Variants in NMT2 observed in about 807,000 individuals in gnomAD.
NMT2 encodes N-myristoyltransferase 2.
Under a neutral mutation model 65.4 loss-of-function variants are expected in NMT2, and 35 were observed. That is an observed-to-expected ratio of 0.54 (90% confidence interval 0.41 to 0.71). NMT2 has a LOEUF of 0.71. Ranked by LOEUF, NMT2 falls within the 30% of genes least tolerant of loss-of-function variation. NMT2 has a pLI of 0.00. For missense variants in NMT2, 489 were observed against 611.3 expected (o/e 0.80, Z 2.11); for synonymous variants, 226 against 231.8 (o/e 0.98, Z 0.23).
chr10:15,113,575 T>C (rs570881915), intron 9 of NMT2, among the ~76,000 whole-genome samples: 1 of 150,190 alleles, frequency 6.7e-6, no homozygotes, highest in East Asian at 2.0e-4. Context: ...AAGGGAACAG[T>C]GATAAAAGCA....
At chr10:15,155,451 C>G (rs1228309413) in intron 1 of NMT2, 2 of 488,194 alleles carry the variant, frequency 4.1e-6, no homozygotes, top group Non-Finnish European at 7.4e-6. Context: ...TCACTGCAGC[C>G]TTGAACTTCC....
At position 15,108,290 on chromosome 10, in the gene NMT2, G is replaced by A. The variant is rs978635096; in HGVS notation, c.*905C>T. The A allele has an allele frequency of 7.3e-6, 5 of 683,848 alleles. No homozygotes were observed. The highest frequency in any genetic ancestry group is 6.6e-5 in the South Asian group (1 of 15,232). 42.4% of individuals were successfully genotyped at this position (683,848 alleles called of 1,614,324 possible). ...GCAACCTCACCTCTCAGGTTCAAGCGATTCTCCTGCCTCAGCCTCCCAAGC... is the reference window on the plus strand; with the variant it reads ...GCAACCTCACCTCTCAGGTTCAAGCAATTCTCCTGCCTCAGCCTCCCAAGC... On this transcript the variant is annotated 3_prime_UTR_variant, in exon 12 of 12. Transcript: ENST00000378165.
chr10:15,144,502 C>T (rs562458303), intron 1 of NMT2, among the ~76,000 whole-genome samples: 1 of 152,258 alleles, frequency 6.6e-6, no homozygotes, highest in East Asian at 1.9e-4. Context: ...GAGGCTGAGG[C>T]GGGTAGATCA....
In NMT2 at chr10:15,130,273, A is replaced by C; in HGVS notation, c.759T>G (p.His253Gln). Residue 253 changes from histidine (H) to glutamine (Q), a missense_variant, in exon 7 of 12, where the codon CAT becomes CAG. Transcript: ENST00000378165. ...CTACCCGTTTCGATCTCAACTTCTTATGAACACAAAGAAAGTTGATTTCTA... is the reference window on the plus strand; with the variant it reads ...CTACCCGTTTCGATCTCAACTTCTTCTGAACACAAAGAAAGTTGATTTCTA... Reference protein sequence around the residue: ...KMVEINFLCVHKKLRSKRVAP... With the variant: ...KMVEINFLCVQKKLRSKRVAP... 6.2e-7 allele frequency: 1 copy of C among 1,602,088 alleles called. No homozygotes were observed.
In NMT2 at chr10:15,135,350, C is replaced by A. The variant is rs772575443; in HGVS notation, c.315G>T (p.Gln105His). The part of the protein sequence containing the change: ...QRAMELLSAC[Q>H]GPARNIDEAA... ...CCTCATCAATGTTCCTGGCTGGGCC[C>A]TGGCATGCGGATAGCAGCTCCATTG... The change falls in exon 3 of 12, where the codon CAG (glutamine) becomes CAT (histidine). Residue 105 changes from glutamine (Q) to histidine (H), a missense_variant. Transcript: ENST00000378165. The A allele has an allele frequency of 6.2e-7, 1 of 1,614,172 alleles. No individual in the cohort carries two copies.
rs762991434 is a variant in NMT2, at chr10:15,128,448, G to A, written c.901C>T (p.Arg301Ter). The change falls in exon 8 of 12, where the codon CGA becomes TGA. Residue 301 changes from arginine (R) to a stop codon, truncating the protein, a stop_gained. Transcript: ENST00000378165. LOFTEE classifies it high-confidence loss of function. ...ACCAATTTTCTGGGGTTTAGTGATC[G>A]ATGCCAGTATCTGGAATACAATAAA... is the stretch of plus-strand genomic sequence containing the variant. ...KPIATCRYWH[R>*]SLNPRKLVEV... The A allele has an allele frequency of 6.3e-7, 1 of 1,587,238 alleles. No individual in the cohort carries two copies. The highest frequency in any genetic ancestry group is 1.7e-5 in the Admixed American group (1 of 59,704).
chr10:15,108,778 G>A lies in NMT2; in HGVS notation c.*417C>T. 9.8e-7 allele frequency: 1 copy of A among 1,025,384 alleles called. No individual in the cohort carries two copies. The highest frequency in any genetic ancestry group is 1.2e-6 in the Non-Finnish European group (1 of 856,946). 63.5% of individuals were successfully genotyped at this position (1,025,384 alleles called of 1,614,324 possible). On this transcript the variant is annotated 3_prime_UTR_variant, in exon 12 of 12. Transcript: ENST00000378165. The stretch of plus-strand genomic sequence containing the variant: ...AAATGGATCTTTTGTTCTGTTACAT[G>A]GACAAATGTACCATCACTTAAGAAA...
chr10:15,151,754 G>A (rs1832809358), intron 1 of NMT2, among the ~76,000 whole-genome samples: 1 of 152,212 alleles, frequency 6.6e-6, no homozygotes, highest in Non-Finnish European at 1.5e-5. Context: ...GCTGGGTGTG[G>A]TGGCTCATGC....
intron 8 of NMT2, among the ~76,000 whole-genome samples, chr10:15,119,981 C>T (rs2131502266): frequency 6.6e-6 from 1 of 152,292 alleles, no homozygotes; most frequent in South Asian, 2.1e-4. Flanking sequence ...ACTGGTTGTG[C>T]ATCTGTGGGT....
At chr10:15,125,666 T>C (rs921044381) in intron 8 of NMT2, among the ~76,000 whole-genome samples, 5 of 152,108 alleles carry the variant, frequency 3.3e-5, no homozygotes, top group African/African-American at 1.2e-4. Flanking sequence ...ATGTATTTAG[T>C]TATTTATTTA....
chr10:15,167,929 G>A (rs1215907089), intron 1 of NMT2, among the ~76,000 whole-genome samples: 1 of 152,234 alleles, frequency 6.6e-6, no homozygotes, highest in Non-Finnish European at 1.5e-5. Context: ...CAGGGGCCGG[G>A]CCCGGGACCC....
chr10:15,168,174 A>C (rs1184823838), intron 1 of NMT2, among the ~76,000 whole-genome samples: 1 of 152,054 alleles, frequency 6.6e-6, no homozygotes, highest in Non-Finnish European at 1.5e-5. Flanking sequence ...CACCGGAGCC[A>C]CCCGCGGGCG....
Position 15,107,378 on chromosome 10 carries a change from A to C in NMT2, c.*1817T>G. 1 of 985,482 alleles carries C rather than the reference A, an allele frequency of 1.0e-6. No individual in the cohort carries two copies. Among genetic ancestry groups the C allele is most frequent in the Non-Finnish European group, 1.2e-6 (1 of 829,940 alleles). 61.0% of individuals were successfully genotyped at this position (985,482 alleles called of 1,614,324 possible). A position where few individuals can be genotyped will look rare whatever the true frequency, so the allele number is the denominator to read the frequency against. ...TTCACTGGACTCATAACTTGAAGGAAATGCCATCATGTCTAAAACAATTAA... is the reference window on the plus strand; with the variant it reads ...TTCACTGGACTCATAACTTGAAGGACATGCCATCATGTCTAAAACAATTAA... On this transcript the variant is annotated 3_prime_UTR_variant, in exon 12 of 12. Coordinates refer to ENST00000378165, the MANE Select transcript of NMT2 (RefSeq NM_004808.3).
chr10:15,165,380 A>T (rs1245585449), intron 1 of NMT2, among the ~76,000 whole-genome samples: 1 of 152,228 alleles, frequency 6.6e-6, no homozygotes, highest in Non-Finnish European at 1.5e-5. Context: ...GTGTTAAAGT[A>T]AGTTATATAA....
intron 3 of NMT2, 67 bp downstream of exon 3, chr10:15,135,207 G>A (rs1032917767): frequency 1.5e-6 from 2 of 1,377,316 alleles, no homozygotes; most frequent in Non-Finnish European, 2.1e-6. Flanking sequence ...TGTTGTTGTT[G>A]TTGTTGTTGT....
intron 9 of NMT2, among the ~76,000 whole-genome samples, chr10:15,114,623 G>C (rs1845686061): frequency 6.6e-6 from 1 of 152,118 alleles, no homozygotes; most frequent in African/African-American, 2.4e-5. Flanking sequence ...TTCTAACTTT[G>C]GTATCAAGAC....
intron 10 of NMT2, chr10:15,111,634 ATACTAT>A (rs1312673423): frequency 6.6e-6 from 1 of 151,994 alleles, no homozygotes; most frequent in Non-Finnish European, 1.5e-5. Context: ...TCAGACAATA[ATACTAT>A]GCAAAATGTG....
intron 1 of NMT2, among the ~76,000 whole-genome samples, chr10:15,165,586 G>A (rs1461127899): frequency 6.6e-6 from 1 of 152,002 alleles, no homozygotes; most frequent in Non-Finnish European, 1.5e-5. Flanking sequence ...AAAAGTTAAA[G>A]AGTACATTTA....
At chr10:15,118,396 G>A (rs1002236296) in intron 9 of NMT2, among the ~76,000 whole-genome samples, 25 of 152,068 alleles carry the variant, frequency 1.6e-4, no homozygotes, top group Non-Finnish European at 2.6e-4. Flanking sequence ...AAAATTAGCC[G>A]GGCATGGTGG....
Sources: gnomAD v4.1 joint callset for allele counts (sites outside exome capture counted in the v4.1 genomes callset) on GRCh38, gnomAD v4.1.1 for gene constraint, MANE v1.5 for transcripts, NCBI Gene and HGNC (gene_info 2026-07-23, HGNC 2026-07-21) for gene names.